TM4SF4: variants seen among roughly 807,000 people sequenced by gnomAD.
TM4SF4 encodes transmembrane 4 L6 family member 4.
TM4SF4 carries 24 observed loss-of-function variants against 24.1 expected under a neutral mutation model. The observed-to-expected ratio is 1.00, with a 90% CI of 0.72 to 1.40. The LOEUF (loss-of-function observed/expected upper bound fraction) is 1.40. Among genes scored for constraint, TM4SF4 ranks in the 40% most tolerant of loss-of-function variants. The probability of loss-of-function intolerance (pLI) is 0.00; values close to 1 mark genes in which losing one functional copy is unlikely to be tolerated. For synonymous variants in TM4SF4, 113 were observed against 97.0 expected (o/e 1.17, Z -0.97); for missense variants, 254 against 254.2 (o/e 1.00, Z 0.01).
intron 4 of TM4SF4, among the ~76,000 whole-genome samples, chr3:149,501,961 TG>T (rs1176514782): frequency 6.6e-6 from 1 of 152,216 alleles, no homozygotes; most frequent in African/African-American, 2.4e-5. Flanking sequence ...AACTGCTCCT[TG>T]TCTGTAAAAT....
Position 149,475,872 on chromosome 3 carries a change from G to A in TM4SF4, c.224G>A (p.Cys75Tyr), listed in dbSNP as rs776761410. ...VFLGLKNNDC[C>Y]GCCGNEGCGK... is the part of the protein sequence containing the mutation. ...TTGGGCCTGAAGAACAATGACTGCT[G>A]TGGGTGCTGCGGCAACGAGGGCTGT... Residue 75 changes from cysteine (C) to tyrosine (Y), a missense_variant, in exon 2 of 5, where the codon TGT (cysteine) becomes TAT (tyrosine). Cys to Tyr is a radical substitution (Grantham distance 194, BLOSUM62 -2). Coordinates refer to ENST00000305354, the MANE Select transcript of TM4SF4 (RefSeq NM_004617.4). 20 of 1,613,276 alleles carry A rather than the reference G, an allele frequency of 1.2e-5. No individual in the cohort carries two copies. Among genetic ancestry groups the A allele is most frequent in the Non-Finnish European group, 1.1e-5 (13 of 1,179,650 alleles).
At chr3:149,493,306 G>A (rs967312224) in intron 3 of TM4SF4, among the ~76,000 whole-genome samples, 7 of 152,100 alleles carry the variant, frequency 4.6e-5, no homozygotes, top group Non-Finnish European at 8.8e-5. Flanking sequence ...TACTATTATA[G>A]ATGTATAAAT....
chr3:149,496,188 T>G (rs1734307576), intron 3 of TM4SF4, among the ~76,000 whole-genome samples: 1 of 151,498 alleles, frequency 6.6e-6, no homozygotes, highest in Non-Finnish European at 1.5e-5. Context: ...TTTTTTTTCA[T>G]GCAGCAGTTT....
Position 149,481,349 on chromosome 3 carries a change from G to A in TM4SF4, c.264+5437G>A, listed in dbSNP as rs4591451. Among the ~76,000 whole-genome samples the A allele has an allele frequency of 2.5e-3, 374 of 152,178 alleles. 2 individuals are homozygous for A. The highest frequency in any genetic ancestry group is 7.9e-3 in the African/African-American group (329 of 41,504). On this transcript the variant is annotated intron_variant, in intron 2 of 4. Transcript: ENST00000305354. ...CTCAATAAGTACTTGCTGGATGGAT[G>A]AAGTAAGTGAACACCTAGGAGAGGA...
chr3:149,489,865 G>A (rs1734181839), intron 3 of TM4SF4, among the ~76,000 whole-genome samples: 3 of 151,910 alleles, frequency 2.0e-5, no homozygotes, highest in Admixed American at 6.6e-5. Flanking sequence ...GCAGGCAAGC[G>A]GGAACATTTC....
At chr3:149,482,713 T>G (rs1337398901) in intron 2 of TM4SF4, among the ~76,000 whole-genome samples, 1 of 152,058 alleles carries the variant, frequency 6.6e-6, no homozygotes, top group East Asian at 1.9e-4. Flanking sequence ...CTCACTAATT[T>G]TTGTATTTCT....
At position 149,498,809 on chromosome 3, in the gene TM4SF4, G is replaced by A. The variant is rs756038723; in HGVS notation, c.489G>A (p.Leu163=). ...GGAATCTGACCCTCTTCTCCATCCT[G>A]CTGGTCGTAGGAGGAATCCAGATGG... is the stretch of plus-strand genomic sequence containing the variant. ...VPWNLTLFSI[L]LVVGGIQMVL... The change falls in exon 4 of 5, where the codon CTG becomes CTA. Residue 163 remains leucine (L), a synonymous_variant. Transcript: ENST00000305354. 122 of 1,613,874 alleles carry A rather than the reference G, an allele frequency of 7.6e-5. No homozygotes were observed. Among genetic ancestry groups the A allele is most frequent in the Non-Finnish European group, 1.0e-4 (121 of 1,179,888 alleles).
Position 149,498,946 on chromosome 3 carries a change from GAGGGAGGCCAGGTCAGGCCACTAGCATA to G in TM4SF4, c.591+57_591+84del, listed in dbSNP as rs758453043. The G allele has an allele frequency of 1.8e-5, 29 of 1,609,576 alleles. No individual in the cohort carries two copies. In the South Asian group the frequency reaches 2.0e-4, roughly 11 times the overall value. On this transcript the variant is annotated intron_variant, in intron 4 of 4. Transcript: ENST00000305354. ...GGCTTTTGCTGTTTCTTCTCAGCAT[GAGGGAGGCCAGGTCAGGCCACTAGCATA>G]AGGGAGGCCAGGTCAGGCCACCAGC...
chr3:149,499,199 CTCTG>C (rs1333062171), intron 4 of TM4SF4, among the ~76,000 whole-genome samples: 1 of 152,176 alleles, frequency 6.6e-6, no homozygotes, highest in Middle Eastern at 3.2e-3. Flanking sequence ...AGACAAAGGA[CTCTG>C]TCTATATATA....
intron 3 of TM4SF4, among the ~76,000 whole-genome samples, chr3:149,496,750 A>G (rs894282978): frequency 3.3e-5 from 5 of 152,154 alleles, no homozygotes; most frequent in Non-Finnish European, 7.4e-5. Context: ...CCTGGGCAAC[A>G]AGAGCGAAAC....
intron 4 of TM4SF4, among the ~76,000 whole-genome samples, chr3:149,500,648 T>C (rs1734400809): frequency 6.6e-6 from 1 of 152,218 alleles, no homozygotes; most frequent in Non-Finnish European, 1.5e-5. Context: ...AAATTATATA[T>C]TGAAGTTTCA....
chr3:149,485,589 G>T (rs1384482518), intron 2 of TM4SF4, among the ~76,000 whole-genome samples: 1 of 152,180 alleles, frequency 6.6e-6, no homozygotes, highest in Non-Finnish European at 1.5e-5. Context: ...CTTATTGTCT[G>T]TGACTTCAAG....
chr3:149,500,978 C>A (rs573003356), intron 4 of TM4SF4, among the ~76,000 whole-genome samples: 1 of 144,872 alleles, frequency 6.9e-6, no homozygotes, highest in South Asian at 2.2e-4. Flanking sequence ...GAGCTGAGAT[C>A]TTGCCCCTGC....
At position 149,498,872 on chromosome 3, in the gene TM4SF4, G is replaced by A. The variant is rs755149306; in HGVS notation, c.552G>A (p.Gly184=). 6.2e-7 allele frequency: 1 copy of A among 1,613,954 alleles called. No individual in the cohort carries two copies. Among genetic ancestry groups the A allele is most frequent in the East Asian group, 2.2e-5 (1 of 44,876 alleles). ...CAIQVVNGLL[G]TLCGDCQCCG... is the part of the protein sequence containing the mutation. The stretch of plus-strand genomic sequence containing the variant: ...TCCAGGTGGTCAATGGCCTCCTGGG[G>A]ACCCTCTGTGGGGACTGCCAGTGTT... Residue 184 remains glycine, a synonymous_variant, in exon 4 of 5, where the codon GGG becomes GGA. Coordinates refer to ENST00000305354, the MANE Select transcript of TM4SF4 (RefSeq NM_004617.4).
intron 4 of TM4SF4, among the ~76,000 whole-genome samples, chr3:149,501,803 C>A (rs13071608): frequency 0.29 from 44,499 of 152,106 alleles, 8,374 homozygotes; most frequent in Non-Finnish European, 0.42. Flanking sequence ...CAACATCTAT[C>A]CATTCAGGCG....
chr3:149,500,747 C>T (rs898520482), intron 4 of TM4SF4, among the ~76,000 whole-genome samples: 1 of 152,098 alleles, frequency 6.6e-6, no homozygotes, highest in Non-Finnish European at 1.5e-5. Flanking sequence ...TGGCTCATGT[C>T]TGTAATCCCA....
intron 4 of TM4SF4, among the ~76,000 whole-genome samples, chr3:149,500,234 A>G (rs1277361432): frequency 6.6e-6 from 1 of 152,140 alleles, no homozygotes; most frequent in Non-Finnish European, 1.5e-5. Flanking sequence ...AAAAAACAAA[A>G]TTCTGTGAAT....
chr3:149,485,085 TAGATG>T (rs749453976), intron 2 of TM4SF4, among the ~76,000 whole-genome samples: 3 of 152,342 alleles, frequency 2.0e-5, no homozygotes, highest in South Asian at 4.1e-4. Flanking sequence ...TATTACCTGA[TAGATG>T]AAATAAGGAC....
At chr3:149,492,716 G>A (rs1315946205) in intron 3 of TM4SF4, among the ~76,000 whole-genome samples, 3 of 152,144 alleles carry the variant, frequency 2.0e-5, no homozygotes, top group African/African-American at 4.8e-5. Flanking sequence ...TTCAGACACC[G>A]AGACACTGAA....
Sources: gnomAD v4.1 joint callset for allele counts (sites outside exome capture counted in the v4.1 genomes callset) on GRCh38, gnomAD v4.1.1 for gene constraint, MANE v1.5 for transcripts, NCBI Gene and HGNC (gene_info 2026-07-23, HGNC 2026-07-21) for gene names.